Variants in HLCS observed in about 807,000 individuals in gnomAD.
HLCS encodes the protein biotin--protein ligase.
Under a neutral mutation model 75.0 loss-of-function variants are expected in HLCS, and 53 were observed. The ratio of observed to expected loss-of-function variants is 0.71; its 90% confidence interval spans 0.57 to 0.89. The LOEUF is 0.89. Among genes scored for constraint, HLCS ranks in the 40% least tolerant of loss-of-function variants. The pLI, the probability that HLCS is intolerant of heterozygous loss-of-function variation, is 0.00. For synonymous variants in HLCS, 431 were observed against 428.6 expected, an observed-to-expected ratio of 1.01 and a Z score of -0.07; for missense variants, 966 against 1,074.0, an observed-to-expected ratio of 0.90 and a Z score of 1.41.
intron 5 of HLCS, among the ~76,000 whole-genome samples, chr21:36,906,910 ATTTT>A (rs1164568100): frequency 6.6e-6 from 1 of 151,898 alleles, no homozygotes; most frequent in Non-Finnish European, 1.5e-5. Context: ...AGTGTGATTG[ATTTT>A]TTTTAATTTT....
chr21:36,754,695 T>C (rs923904421), intron 10 of HLCS, among the ~76,000 whole-genome samples: 4 of 152,232 alleles, frequency 2.6e-5, no homozygotes, highest in Non-Finnish European at 5.9e-5. Context: ...TCTGCGGTGA[T>C]GGCTGGAACC....
chr21:36,888,683 G>A lies in HLCS; in HGVS notation c.1892+8177C>T, dbSNP rs118036528. 5.3e-3 allele frequency among the ~76,000 whole-genome samples: 809 copies of A among 151,350 alleles called. 8 individuals carry two copies. Among genetic ancestry groups the A allele is most frequent in the Non-Finnish European group, 9.2e-3 (623 of 67,898 alleles). ...GGTTGGTGGAGGCTCTGGCGTGGGC[G>A]CATCACCAGGTCAAAGGAGGTGAGC... On this transcript the variant is annotated intron_variant, in intron 6 of 10. Coordinates refer to ENST00000674895, the MANE Select transcript of HLCS (RefSeq NM_001352514.2).
At chr21:36,909,273 T>C (rs1348088840) in intron 5 of HLCS, among the ~76,000 whole-genome samples, 2 of 152,256 alleles carry the variant, frequency 1.3e-5, no homozygotes, top group African/African-American at 2.4e-5. Context: ...GGTAGTTACA[T>C]GTAAAACATT....
At chr21:36,795,466 A>C (rs1158480627) in intron 6 of HLCS, among the ~76,000 whole-genome samples, 1 of 152,238 alleles carries the variant, frequency 6.6e-6, no homozygotes, top group Non-Finnish European at 1.5e-5. Flanking sequence ...TTCTGGACCA[A>C]GCTACTGAAA....
intron 8 of HLCS, among the ~76,000 whole-genome samples, chr21:36,761,844 C>T (rs551968815): frequency 9.2e-5 from 14 of 152,298 alleles, no homozygotes; most frequent in Non-Finnish European, 1.5e-4. Context: ...CCTGCCTCGC[C>T]GGCGGGAGGA....
In HLCS at chr21:36,805,054, C is replaced by A. The variant is rs2061322902; in HGVS notation, c.1893-37769G>T. ...ATTGTGGAGAGATTAAGCAAGGCTA[C>A]AAAATCGGTGAAGGATTCCGACTTT... is the stretch of plus-strand genomic sequence containing the variant. On this transcript the variant is annotated intron_variant, in intron 6 of 10. Transcript: ENST00000674895. 2.0e-5 allele frequency among the ~76,000 whole-genome samples: 3 copies of A among 152,154 alleles called. No homozygotes were observed. The South Asian group carries it at 6.2e-4, about 32-fold the overall frequency.
intron 1 of HLCS, among the ~76,000 whole-genome samples, chr21:36,988,939 T>C (rs1359786387): frequency 6.6e-6 from 1 of 152,214 alleles, no homozygotes; most frequent in Non-Finnish European, 1.5e-5. Context: ...CTGTGATAGA[T>C]GTTGCAAATA....
chr21:36,803,465 G>A (rs1174497722), intron 6 of HLCS, among the ~76,000 whole-genome samples: 1 of 152,244 alleles, frequency 6.6e-6, no homozygotes, highest in Non-Finnish European at 1.5e-5. Flanking sequence ...GGGCGACCTT[G>A]TGTGCAGAAG....
chr21:36,832,871 A>G (rs2062261496), intron 6 of HLCS, among the ~76,000 whole-genome samples: 1 of 152,200 alleles, frequency 6.6e-6, no homozygotes. Context: ...AAAGGGTTGT[A>G]AGGAGCCTCA....
intron 6 of HLCS, among the ~76,000 whole-genome samples, chr21:36,888,470 A>T (rs1486514214): frequency 9.5e-6 from 1 of 105,668 alleles, no homozygotes. Flanking sequence ...ATATATATAT[A>T]TATATATATA....
At chr21:36,901,327 G>A (rs1241817576) in intron 5 of HLCS, among the ~76,000 whole-genome samples, 1 of 152,172 alleles carries the variant, frequency 6.6e-6, no homozygotes, top group East Asian at 1.9e-4. Context: ...ATCCAGGGGA[G>A]AGGTCTGCAC....
intron 5 of HLCS, 55 bp downstream of exon 5, chr21:36,930,196 A>T: frequency 6.9e-7 from 1 of 1,458,954 alleles, no homozygotes; most frequent in Non-Finnish European, 9.6e-7. Flanking sequence ...ACGGGTCGCC[A>T]CTGTGAAGAG....
intron 6 of HLCS, among the ~76,000 whole-genome samples, chr21:36,808,362 AT>A (rs1302705679): frequency 2.0e-5 from 3 of 152,140 alleles, no homozygotes; most frequent in African/African-American, 7.2e-5. Flanking sequence ...AAAAAATCAA[AT>A]TTTTTTCCTC....
rs1369792062 is a variant in HLCS, at chr21:36,771,249, T to TAAATAA, written c.1893-3965_1893-3964insTTATTT. On this transcript the variant is annotated intron_variant, in intron 6 of 10. Transcript: ENST00000674895. Reference sequence around the variant, plus strand: ...AAATAAATAAATAAATAAATAAATATAAAATAAAATAAAAAGAAACAAGAC... The same window carrying TAAATAA: ...AAATAAATAAATAAATAAATAAATATAAATAAAAAATAAAATAAAAAGAAACAAGAC... 1.6e-3 allele frequency among the ~76,000 whole-genome samples: 221 copies of TAAATAA among 134,918 alleles called. 2 individuals carry two copies. The highest frequency in any genetic ancestry group is 0.011 in the Middle Eastern group (3 of 272). The allele number at this position is 134,918 out of a possible 152,430, so 88.5% of individuals were successfully genotyped here.
intron 6 of HLCS, among the ~76,000 whole-genome samples, chr21:36,876,982 C>T (rs2064005361): frequency 6.6e-6 from 1 of 152,142 alleles, no homozygotes. Flanking sequence ...ATGAATTACC[C>T]CTATTGTCAC....
At chr21:36,950,933 C>T (rs1007025873) in intron 2 of HLCS, among the ~76,000 whole-genome samples, 21 of 152,180 alleles carry the variant, frequency 1.4e-4, no homozygotes, top group African/African-American at 3.6e-4. Context: ...GTAACTTCAG[C>T]TCTAGTCCTT....
rs1294340171 is a variant in HLCS at position 36,759,759 on chromosome 21, G to A, written c.2204C>T (p.Thr735Ile). ...TATATAAAATGTTTCTCCCATGAGT[G>A]TTGAGTTAACCAGAACTCCGCCGAT... is the stretch of plus-strand genomic sequence containing the variant. ...MKIGGVLVNS[T>I]LMGETFYILI... Residue 735 changes from threonine to isoleucine, a missense_variant, in exon 9 of 11, where the codon ACA becomes ATA. Thr to Ile is a moderately conservative substitution (Grantham distance 89, BLOSUM62 -1). Transcript: ENST00000674895. 2.5e-6 allele frequency: 4 copies of A among 1,610,518 alleles called. No homozygotes were observed. The highest frequency in any genetic ancestry group is 1.6e-4 in the Middle Eastern group (1 of 6,076).
At chr21:36,967,277 G>C (rs1411668467), upstream of HLCS, among the ~76,000 whole-genome samples, 1 of 152,148 alleles carries the variant, frequency 6.6e-6, no homozygotes, top group East Asian at 1.9e-4. Context: ...TCATGCAAAA[G>C]ATTTTAAGGT....
At chr21:36,800,332 G>C (rs968714728) in intron 6 of HLCS, among the ~76,000 whole-genome samples, 4 of 152,076 alleles carry the variant, frequency 2.6e-5, no homozygotes, top group Non-Finnish European at 5.9e-5. Context: ...GTAACTACTT[G>C]GTGAACAAAG....
Sources: gnomAD v4.1 joint callset for allele counts (sites outside exome capture counted in the v4.1 genomes callset) on GRCh38, gnomAD v4.1.1 for gene constraint, MANE v1.5 for transcripts, NCBI Gene and HGNC (gene_info 2026-07-23, HGNC 2026-07-21) for gene names.